MPC1: variants seen among roughly 807,000 people sequenced by gnomAD.
MPC1 encodes mitochondrial pyruvate carrier 1, also known as HSPC040 protein.
In MPC1, 6 loss-of-function variants were observed where a neutral mutation model predicts 13.9. The observed-to-expected ratio is 0.43, with a 90% confidence interval of 0.24 to 0.85. The LOEUF is 0.85. MPC1 is among the 40% of genes least tolerant of loss of function. MPC1 has a pLI of 0.24. For missense variants in MPC1, 115 were observed against 143.3 expected (o/e 0.80, Z 1.01); for synonymous variants, 47 against 50.5 (o/e 0.93, Z 0.29).
intron 1 of MPC1, among the ~76,000 whole-genome samples, chr6:166,382,038 A>G (rs1779804676): frequency 6.6e-6 from 1 of 152,166 alleles, no homozygotes; most frequent in African/African-American, 2.4e-5. Context: ...CCTCTGGCAC[A>G]CCTGGACGGC....
chr6:166,370,356 C>T (rs1251363385), intron 1 of MPC1, 135 bp from the exon 2 acceptor site: 4 of 609,516 alleles, frequency 6.6e-6, no homozygotes, highest in East Asian at 5.3e-5. Context: ...AGGACTACAA[C>T]GTTAACAGTG....
chr6:166,371,247 C>G (rs1779369674), intron 1 of MPC1, among the ~76,000 whole-genome samples: 1 of 152,170 alleles, frequency 6.6e-6, no homozygotes, highest in Non-Finnish European at 1.5e-5. Flanking sequence ...ATTTTTGTTA[C>G]TACTGGACTA....
intron 1 of MPC1, among the ~76,000 whole-genome samples, chr6:166,377,467 C>T (rs1779611922): frequency 6.6e-6 from 1 of 152,082 alleles, no homozygotes; most frequent in Non-Finnish European, 1.5e-5. Context: ...CTAATTTTTC[C>T]AAAATTATGG....
At chr6:166,371,974 T>C (rs1779397550) in intron 1 of MPC1, among the ~76,000 whole-genome samples, 1 of 152,198 alleles carries the variant, frequency 6.6e-6, no homozygotes, top group Admixed American at 6.5e-5. Flanking sequence ...GAGGGGGTAC[T>C]ACTATGTGCT....
At chr6:166,366,213 T>G in intron 3 of MPC1, 107 bp from the exon 4 acceptor site, 1 of 1,280,858 alleles carries the variant, frequency 7.8e-7, no homozygotes, top group Non-Finnish European at 1.0e-6. Context: ...AAAGAACCTC[T>G]TCTGCGAAAG....
chr6:166,377,285 G>A (rs1583070265), intron 1 of MPC1, among the ~76,000 whole-genome samples: 1 of 152,222 alleles, frequency 6.6e-6, no homozygotes, highest in East Asian at 1.9e-4. Flanking sequence ...GCTGATGTGG[G>A]CACTGGGCCT....
In MPC1 at chr6:166,382,803, C is replaced by T; in HGVS notation, c.71+3G>A. The T allele has an allele frequency of 1.9e-6, 3 of 1,588,352 alleles. No individual in the cohort carries two copies. Among genetic ancestry groups the T allele is most frequent in the Non-Finnish European group, 2.6e-6 (3 of 1,169,628 alleles). On this transcript the variant is annotated splice_donor_region_variant and intron_variant, in intron 1 of 4. Coordinates refer to ENST00000360961, the MANE Select transcript of MPC1 (RefSeq NM_016098.4). ...GCGGGGTTCGGCCTGCGGCGCTCGT[C>T]ACCTCATGAGGTAGTCCCGGAAATC... is the stretch of plus-strand genomic sequence containing the variant.
intron 1 of MPC1, chr6:166,381,968 G>A (rs1469732647): frequency 1.7e-5 from 5 of 295,268 alleles, no homozygotes; most frequent in Non-Finnish European, 2.5e-5. Context: ...CAACAGCGCC[G>A]CGCCGCGCTC....
At chr6:166,380,546 C>G (rs907424772) in intron 1 of MPC1, among the ~76,000 whole-genome samples, 1 of 152,142 alleles carries the variant, frequency 6.6e-6, no homozygotes, top group Non-Finnish European at 1.5e-5. Flanking sequence ...TATTGAAAAG[C>G]CTGGCTCTTG....
chr6:166,380,927 C>A (rs1303143742), intron 1 of MPC1, among the ~76,000 whole-genome samples: 6 of 65,592 alleles, frequency 9.1e-5, no homozygotes, highest in South Asian at 5.3e-4. Context: ...CAACAAGAGA[C>A]AAACTCTGTC....
rs1252077165 is a variant in MPC1, at chr6:166,365,276, T to C, written c.*153A>G. On this transcript the variant is annotated 3_prime_UTR_variant, in exon 5 of 5. Transcript: ENST00000360961. This position sits in a 1 kb window ranked among gnomAD's most constrained non-coding sequence, Gnocchi z 4.2. ...CTTGTAAGGCAGCAGAGAGTTGGTT[T>C]AGAAACTCTCAGCTATTTCTATAAA... is the stretch of plus-strand genomic sequence containing the variant. 16 of 585,350 alleles carry C rather than the reference T, an allele frequency of 2.7e-5. No homozygotes were observed. The highest frequency in any genetic ancestry group is 4.0e-5 in the Non-Finnish European group (15 of 373,562). The allele number at this position is 585,350 out of a possible 1,614,324, so 36.3% of individuals were successfully genotyped here. A position where few individuals can be genotyped will look rare whatever the true frequency, so the allele number is the denominator to read the frequency against.
At chr6:166,371,275 C>T (rs966028027) in intron 1 of MPC1, among the ~76,000 whole-genome samples, 8 of 152,102 alleles carry the variant, frequency 5.3e-5, no homozygotes, top group African/African-American at 1.9e-4. Context: ...TAGGGCCTGG[C>T]ATTTAAACTG....
chr6:166,366,173 G>C, intron 3 of MPC1, 67 bp from the exon 4 acceptor site: 2 of 1,548,320 alleles, frequency 1.3e-6, no homozygotes, highest in East Asian at 4.5e-5. Flanking sequence ...TAGGACCACA[G>C]AGATGAACAG....
chr6:166,379,839 C>T (rs987950526), intron 1 of MPC1, among the ~76,000 whole-genome samples: 4 of 152,270 alleles, frequency 2.6e-5, no homozygotes, highest in East Asian at 3.9e-4. Flanking sequence ...AAAGAAAAGC[C>T]GGGCTGTAAG....
At chr6:166,368,452 GGCT>G (rs1336315214) in intron 2 of MPC1, among the ~76,000 whole-genome samples, 1 of 151,912 alleles carries the variant, frequency 6.6e-6, no homozygotes, top group Non-Finnish European at 1.5e-5. Flanking sequence ...CTACTTGGGA[GGCT>G]GAGGCAGAGA....
At chr6:166,377,549 G>C (rs6456080) in intron 1 of MPC1, among the ~76,000 whole-genome samples, 11,257 of 152,210 alleles carry the variant, frequency 0.074, 1,397 homozygotes, top group African/African-American at 0.26. Context: ...AGTACTAAAA[G>C]GATCCAACTG....
intron 1 of MPC1, among the ~76,000 whole-genome samples, chr6:166,376,706 A>ATT (rs1475522372): frequency 6.6e-6 from 1 of 152,204 alleles, no homozygotes; most frequent in Admixed American, 6.5e-5. Context: ...TCCCATTATC[A>ATT]TATGTAATGT....
intron 3 of MPC1, 67 bp downstream of exon 3, chr6:166,366,728 C>CTTGA: frequency 6.8e-7 from 1 of 1,474,048 alleles, no homozygotes; most frequent in East Asian, 2.3e-5. Flanking sequence ...GTGCTACAAT[C>CTTGA]TTGAAATGCA....
intron 2 of MPC1, chr6:166,368,739 T>C: frequency 5.1e-6 from 5 of 984,916 alleles, no homozygotes; most frequent in Non-Finnish European, 6.0e-6. Flanking sequence ...TTACTTCTTT[T>C]CTTACCCGTC....
Sources: allele counts gnomAD v4.1 joint callset (sites outside exome capture counted in the v4.1 genomes callset), GRCh38; gene constraint gnomAD v4.1.1; non-coding constraint Gnocchi (gnomAD v3.1); transcripts MANE v1.5; gene names NCBI Gene and HGNC (gene_info 2026-07-23, HGNC 2026-07-21).